Variants in CADM2 observed in about 807,000 individuals in gnomAD.
CADM2 encodes immunoglobulin superfamily member 4D.
CADM2 carries 12 observed loss-of-function variants against 49.8 expected under a neutral mutation model. That is an observed-to-expected ratio of 0.24 (90% CI 0.15 to 0.39). The LOEUF is 0.39. Among genes scored for constraint, CADM2 ranks in the 10% least tolerant of loss-of-function variants. The pLI is 1.00. For synonymous variants in CADM2, 214 were observed against 175.4 expected, an observed-to-expected ratio of 1.22 and a Z score of -1.74; for missense variants, 378 against 492.3, an observed-to-expected ratio of 0.77 and a Z score of 2.20.
chr3:85,196,078 A>G (rs1559714545), intron 1 of CADM2, among the ~76,000 whole-genome samples: 1 of 152,162 alleles, frequency 6.6e-6, no homozygotes, highest in East Asian at 1.9e-4. Context: ...GAGTGTCCCC[A>G]GCAGCTGGTT....
chr3:85,090,104 A>G (rs747158466), intron 1 of CADM2, among the ~76,000 whole-genome samples: 1 of 152,054 alleles, frequency 6.6e-6, no homozygotes, highest in Non-Finnish European at 1.5e-5. Flanking sequence ...GTACATTTAT[A>G]TACAAAAAAA....
At chr3:85,952,467 T>C (rs776008527) in intron 7 of CADM2, among the ~76,000 whole-genome samples, 1 of 151,154 alleles carries the variant, frequency 6.6e-6, no homozygotes, top group Non-Finnish European at 1.5e-5. Context: ...TTTAATTAAT[T>C]GCTGGATCAA....
chr3:85,165,756 A>G (rs556281977), intron 1 of CADM2, among the ~76,000 whole-genome samples: 181 of 151,934 alleles, frequency 1.2e-3, no homozygotes, highest in South Asian at 3.7e-3. Context: ...TTTAAAATTG[A>G]TAACTATTTT....
intron 8 of CADM2, among the ~76,000 whole-genome samples, chr3:86,055,831 G>A (rs1021638419): frequency 6.6e-6 from 1 of 152,026 alleles, no homozygotes; most frequent in Non-Finnish European, 1.5e-5. Flanking sequence ...TTTGAGAAAA[G>A]CAGAGCAGGT....
chr3:85,597,480 A>T (rs1043400526), intron 1 of CADM2, among the ~76,000 whole-genome samples: 4 of 152,098 alleles, frequency 2.6e-5, no homozygotes, highest in African/African-American at 9.7e-5. Flanking sequence ...TGTTTCATCT[A>T]TGTGCCACTG....
chr3:85,624,064 A>T (rs1378007055), intron 1 of CADM2, among the ~76,000 whole-genome samples: 1 of 152,152 alleles, frequency 6.6e-6, no homozygotes, highest in Non-Finnish European at 1.5e-5. Flanking sequence ...ATTTTGAGTA[A>T]TTTTAAAATA....
chr3:86,059,980 C>T (rs1738423811), intron 8 of CADM2, among the ~76,000 whole-genome samples: 1 of 151,882 alleles, frequency 6.6e-6, no homozygotes, highest in African/African-American at 2.4e-5. Context: ...TCTTTAAAAC[C>T]TTAAAATCCT....
At chr3:85,513,338 G>C (rs1363493858) in intron 1 of CADM2, among the ~76,000 whole-genome samples, 2 of 151,820 alleles carry the variant, frequency 1.3e-5, no homozygotes, top group Non-Finnish European at 2.9e-5. Flanking sequence ...GTCTCATTTT[G>C]CCTTCTCAGA....
At chr3:85,657,619 G>A (rs938426003) in intron 1 of CADM2, among the ~76,000 whole-genome samples, 5 of 149,654 alleles carry the variant, frequency 3.3e-5, no homozygotes, top group Non-Finnish European at 4.4e-5. Flanking sequence ...AATATTTATA[G>A]CAACAATTAT....
intron 1 of CADM2, among the ~76,000 whole-genome samples, chr3:85,379,702 C>T: frequency 6.6e-6 from 1 of 152,144 alleles, no homozygotes. Flanking sequence ...TCTGAATTCA[C>T]AGGATCAAGT....
chr3:85,794,514 A>C (rs1191049638), intron 2 of CADM2, among the ~76,000 whole-genome samples: 7 of 152,196 alleles, frequency 4.6e-5, no homozygotes, highest in African/African-American at 1.7e-4. Context: ...TAAACACTAG[A>C]AGGAGAGGAA....
chr3:85,769,597 CACATATAT>C (rs1260367971), intron 2 of CADM2, among the ~76,000 whole-genome samples: 11 of 93,870 alleles, frequency 1.2e-4, no homozygotes, highest in East Asian at 7.3e-4. Context: ...ATAGTATATA[CACATATAT>C]ACATATATAC....
intron 2 of CADM2, among the ~76,000 whole-genome samples, chr3:85,769,608 A>G (rs978270012): frequency 2.0e-5 from 2 of 99,660 alleles, no homozygotes; most frequent in East Asian, 5.0e-4. Flanking sequence ...ACATATATAC[A>G]TATATACATA....
chr3:85,315,919 C>T (rs1185316024), intron 1 of CADM2, among the ~76,000 whole-genome samples: 1 of 151,996 alleles, frequency 6.6e-6, no homozygotes, highest in East Asian at 1.9e-4. Context: ...ATACACACGC[C>T]TATGTGTATT....
At chr3:84,984,330 C>T (rs1015772686) in intron 1 of CADM2, among the ~76,000 whole-genome samples, 2 of 130,766 alleles carry the variant, frequency 1.5e-5, no homozygotes, top group Non-Finnish European at 3.1e-5. Context: ...TCAGTTAATG[C>T]CCTCATAGCC....
At chr3:85,850,825 T>C (rs1037528719) in intron 3 of CADM2, among the ~76,000 whole-genome samples, 1 of 152,234 alleles carries the variant, frequency 6.6e-6, no homozygotes, top group African/African-American at 2.4e-5. Flanking sequence ...AGCAAAGATT[T>C]CTTCCAATAT....
At chr3:85,643,689 C>A (rs62261675) in intron 1 of CADM2, among the ~76,000 whole-genome samples, 3,363 of 152,022 alleles carry the variant, frequency 0.022, 69 homozygotes, top group Non-Finnish European at 0.036. Context: ...TTTGGCATTT[C>A]TTTGTGATAC....
intron 1 of CADM2, among the ~76,000 whole-genome samples, chr3:85,009,352 T>C (rs996336368): frequency 3.3e-5 from 5 of 152,186 alleles, no homozygotes; most frequent in South Asian, 4.1e-4. Flanking sequence ...TTGGTGGATC[T>C]GTTCAAGTTA....
intron 1 of CADM2, among the ~76,000 whole-genome samples, chr3:85,504,312 C>T (rs2040231299): frequency 1.3e-5 from 2 of 152,080 alleles, no homozygotes; most frequent in African/African-American, 4.8e-5. Context: ...AGTGAAGCTG[C>T]AGACCTTCGC....
Sources: gnomAD v4.1 joint callset for allele counts (sites outside exome capture counted in the v4.1 genomes callset) on GRCh38, gnomAD v4.1.1 for gene constraint, MANE v1.5 for transcripts, NCBI Gene and HGNC (gene_info 2026-07-23, HGNC 2026-07-21) for gene names.